The following CNTN6 variants were observed in gnomAD, a reference collection of about 807,000 sequenced individuals.
The protein encoded by CNTN6 is contactin-6.
In CNTN6, 137 loss-of-function variants were observed where a neutral mutation model predicts 122.8. That is an observed-to-expected ratio of 1.12 (90% CI 0.97 to 1.29). CNTN6 has a LOEUF of 1.29. Among genes scored for constraint, CNTN6 ranks in the 50% most tolerant of loss-of-function variants. CNTN6 has a pLI of 0.00. For missense variants in CNTN6, 1,634 were observed against 1,223.4 expected, an observed-to-expected ratio of 1.34 and a Z score of -5.01; for synonymous variants, 570 against 426.0, an observed-to-expected ratio of 1.34 and a Z score of -4.16.
chr3:1,213,825 A>AAAAG (rs34074074), intron 2 of CNTN6, among the ~76,000 whole-genome samples: 69,600 of 151,324 alleles, frequency 0.46, 16,794 homozygotes, highest in East Asian at 0.88. Context: ...TTGAGACAAA[A>AAAAG]AAATTTTTTA....
chr3:1,344,921 C>G (rs891871268), intron 11 of CNTN6, among the ~76,000 whole-genome samples: 1 of 152,062 alleles, frequency 6.6e-6, no homozygotes, highest in Admixed American at 6.6e-5. Flanking sequence ...CCTCTGGTCC[C>G]TCGATCATGT....
At position 1,182,104 on chromosome 3, in the gene CNTN6, TATTC is replaced by T. The variant is rs2093563655; in HGVS notation, c.55+34050_55+34053del. ...ATTGAATAATTTCAAGGTATTTTTA[TATTC>T]ATTCATTCTACTAATATTTTCTTAA... On this transcript the variant is annotated intron_variant, in intron 2 of 22. Transcript: ENST00000446702. Among the ~76,000 whole-genome samples the T allele has an allele frequency of 4.6e-5, 7 of 152,284 alleles. No homozygotes were observed. In the South Asian group the frequency reaches 1.4e-3, roughly 32 times the overall value.
chr3:1,185,189 C>A (rs1354221879), intron 2 of CNTN6, among the ~76,000 whole-genome samples: 1 of 152,042 alleles, frequency 6.6e-6, no homozygotes, highest in Non-Finnish European at 1.5e-5. Flanking sequence ...TAGAATATGT[C>A]CTATTTGGTT....
intron 2 of CNTN6, among the ~76,000 whole-genome samples, chr3:1,184,509 T>C (rs564385414): frequency 3.9e-5 from 6 of 152,292 alleles, no homozygotes; most frequent in African/African-American, 1.2e-4. Flanking sequence ...AAAATGCCTC[T>C]CTTTAACTAA....
At chr3:1,305,746 G>A (rs1698256419) in intron 7 of CNTN6, among the ~76,000 whole-genome samples, 1 of 152,008 alleles carries the variant, frequency 6.6e-6, no homozygotes, top group African/African-American at 2.4e-5. Flanking sequence ...AGCACTGAAC[G>A]TTCCTGTGTG....
intron 20 of CNTN6, among the ~76,000 whole-genome samples, chr3:1,394,889 G>C (rs977284168): frequency 6.6e-6 from 1 of 152,138 alleles, no homozygotes; most frequent in Non-Finnish European, 1.5e-5. Flanking sequence ...AATTAACCAT[G>C]AGTAATTTCA....
intron 17 of CNTN6, among the ~76,000 whole-genome samples, chr3:1,380,779 G>T (rs537924294): frequency 3.9e-5 from 6 of 152,154 alleles, no homozygotes; most frequent in African/African-American, 1.4e-4. Flanking sequence ...GATGTGGCTA[G>T]AAGTACATAG....
rs1166507455 is a variant in CNTN6 at position 1,233,734 on chromosome 3, C to CAAAA, written c.358+5762_358+5765dup. Among the ~76,000 whole-genome samples the CAAAA allele has an allele frequency of 2.2e-3, 115 of 52,066 alleles. 1 individual carries two copies. The highest frequency in any genetic ancestry group is 8.5e-3 in the African/African-American group (99 of 11,582). The allele number at this position is 52,066 out of a possible 152,430, so 34.2% of individuals were successfully genotyped here. Reference sequence around the variant, plus strand: ...TGGGCAACAGAACGAGACTCTGTCTCAAAAAAAAAAAAAAAAAAAAAAAAG... The same window carrying CAAAA: ...TGGGCAACAGAACGAGACTCTGTCTCAAAAAAAAAAAAAAAAAAAAAAAAAAAAG... On this transcript the variant is annotated intron_variant, in intron 4 of 22. Coordinates refer to ENST00000446702, the MANE Select transcript of CNTN6 (RefSeq NM_001289080.2).
intron 7 of CNTN6, among the ~76,000 whole-genome samples, chr3:1,307,107 G>A (rs1400012791): frequency 6.6e-6 from 1 of 152,154 alleles, no homozygotes; most frequent in African/African-American, 2.4e-5. Flanking sequence ...GCCCCGGGGA[G>A]GTTGCAGGCT....
At chr3:1,147,089 A>G (rs1278242103) in intron 1 of CNTN6, among the ~76,000 whole-genome samples, 2 of 152,114 alleles carry the variant, frequency 1.3e-5, no homozygotes, top group African/African-American at 4.8e-5. Context: ...TAAAAATTTT[A>G]TTATTTATTA....
Position 1,237,582 on chromosome 3 carries a change from C to G in CNTN6, c.358+9589C>G, listed in dbSNP as rs1317961051. Reference sequence around the variant, plus strand: ...GAAATTCATCACAAAAAGATAATCACCTAGGCATATAGTCATTAGGTTATC... The same window carrying G: ...GAAATTCATCACAAAAAGATAATCAGCTAGGCATATAGTCATTAGGTTATC... On this transcript the variant is annotated intron_variant, in intron 4 of 22. Coordinates refer to ENST00000446702, the MANE Select transcript of CNTN6 (RefSeq NM_001289080.2). 2.6e-5 allele frequency among the ~76,000 whole-genome samples: 4 copies of G among 152,194 alleles called. No homozygotes were observed. In the South Asian group the frequency reaches 6.2e-4, roughly 24 times the overall value.
intron 1 of CNTN6, among the ~76,000 whole-genome samples, chr3:1,117,366 G>T (rs972284490): frequency 1.3e-5 from 2 of 152,074 alleles, no homozygotes; most frequent in African/African-American, 4.8e-5. Flanking sequence ...TCCTGTTCAG[G>T]GAACTGCAGG....
chr3:1,340,694 G>C (rs1480913919), intron 11 of CNTN6, among the ~76,000 whole-genome samples: 1 of 152,088 alleles, frequency 6.6e-6, no homozygotes, highest in Non-Finnish European at 1.5e-5. Context: ...ACCTAATTTT[G>C]TAGACTCTGA....
chr3:1,241,217 C>T (rs1014009327), intron 4 of CNTN6, among the ~76,000 whole-genome samples: 1 of 152,008 alleles, frequency 6.6e-6, no homozygotes, highest in Non-Finnish European at 1.5e-5. Context: ...GATGGCCTGG[C>T]CTGGGCTCAG....
intron 1 of CNTN6, among the ~76,000 whole-genome samples, chr3:1,096,984 T>C (rs1056623241): frequency 3.9e-5 from 6 of 152,152 alleles, no homozygotes; most frequent in African/African-American, 1.4e-4. Flanking sequence ...ATTTAAGGAG[T>C]TTTAAATAGC....
At chr3:1,300,262 A>C (rs1696976259) in intron 7 of CNTN6, among the ~76,000 whole-genome samples, 1 of 152,144 alleles carries the variant, frequency 6.6e-6, no homozygotes. Flanking sequence ...CTGGGATGAC[A>C]GGCGTGAGCC....
intron 1 of CNTN6, among the ~76,000 whole-genome samples, chr3:1,100,341 C>G (rs2090816600): frequency 6.6e-6 from 1 of 152,134 alleles, no homozygotes; most frequent in Non-Finnish European, 1.5e-5. Context: ...CCATGATCTT[C>G]TGGAATATAA....
In CNTN6 at chr3:1,386,628, ATATT is replaced by A. The variant is rs1305154392; in HGVS notation, c.2704+834_2704+837del. Among the ~76,000 whole-genome samples the A allele has an allele frequency of 2.6e-5, 4 of 152,228 alleles. No individual in the cohort carries two copies. The East Asian group carries it at 7.8e-4, about 30-fold the overall frequency. ...AAGATGATTTTTTTGTGGTTGAATA[ATATT>A]TACATATTCCTTATATATTATTAAT... On this transcript the variant is annotated intron_variant, in intron 20 of 22. Transcript: ENST00000446702.
In CNTN6 at chr3:1,254,376, C is replaced by G. The variant is rs183683365; in HGVS notation, c.359-24037C>G. On this transcript the variant is annotated intron_variant, in intron 4 of 22. Coordinates refer to ENST00000446702, the MANE Select transcript of CNTN6 (RefSeq NM_001289080.2). The stretch of plus-strand genomic sequence containing the variant: ...ATTCAGCCATATTTCTACGTGTTTA[C>G]TTATTTTAAATGTTGTGTAGTATTT... Among the ~76,000 whole-genome samples the G allele has an allele frequency of 4.2e-4, 64 of 152,174 alleles. 1 individual carries two copies. In the East Asian group the frequency reaches 9.3e-3, roughly 22 times the overall value.
Sources: allele counts gnomAD v4.1 joint callset (sites outside exome capture counted in the v4.1 genomes callset), GRCh38; gene constraint gnomAD v4.1.1; transcripts MANE v1.5; gene names NCBI Gene and HGNC (gene_info 2026-07-23, HGNC 2026-07-21).